CREB5: variants seen among roughly 807,000 people sequenced by gnomAD.
The protein encoded by CREB5 is cAMP responsive element binding protein 5.
CREB5 carries 19 observed loss-of-function variants against 57.1 expected under a neutral mutation model. The ratio of observed to expected loss-of-function variants is 0.33; its 90% confidence interval spans 0.23 to 0.49. The LOEUF (loss-of-function observed/expected upper bound fraction) is 0.49. CREB5 is among the 20% of genes least tolerant of loss of function. The probability of loss-of-function intolerance (pLI) is 0.99; values close to 1 mark genes in which losing one functional copy is unlikely to be tolerated. For missense variants in CREB5, 579 were observed against 671.6 expected (o/e 0.86, Z 1.52); for synonymous variants, 238 against 238.3 (o/e 1.00, Z 0.01).
chr7:28,560,987 T>TGTGTGCGTGC (rs1795231729), intron 4 of CREB5, among the ~76,000 whole-genome samples: 1 of 64,454 alleles, frequency 1.6e-5, no homozygotes, highest in Non-Finnish European at 3.5e-5. Flanking sequence ...TGTGCGTGCG[T>TGTGTGCGTGC]GTGTGTGCCT....
intron 1 of CREB5, among the ~76,000 whole-genome samples, chr7:28,343,824 GCA>G (rs763361509): frequency 1.1e-4 from 16 of 152,188 alleles, no homozygotes; most frequent in Non-Finnish European, 2.2e-4. Context: ...CACCAACAGT[GCA>G]CAAGGATTCT....
At chr7:28,704,930 C>G (rs894263530) in intron 5 of CREB5, among the ~76,000 whole-genome samples, 1 of 152,220 alleles carries the variant, frequency 6.6e-6, no homozygotes, top group African/African-American at 2.4e-5. Context: ...TCAGTAGACA[C>G]TCTTGCTGGT....
chr7:28,571,986 T>A (rs1323134351), intron 5 of CREB5, among the ~76,000 whole-genome samples: 14 of 152,182 alleles, frequency 9.2e-5, no homozygotes. Context: ...AAGTGATAAT[T>A]AAAAACTTAG....
At chr7:28,526,030 G>A (rs542998911) in intron 4 of CREB5, among the ~76,000 whole-genome samples, 2 of 152,318 alleles carry the variant, frequency 1.3e-5, no homozygotes, top group East Asian at 3.9e-4. Flanking sequence ...CCAAATCTGG[G>A]ATGGGAAATT....
chr7:28,488,128 A>G, intron 1 of CREB5, 47 bp from the exon 2 acceptor site: 1 of 1,561,598 alleles, frequency 6.4e-7, no homozygotes, highest in Non-Finnish European at 8.8e-7. Flanking sequence ...AGCAGAAGAT[A>G]TTCATGGATT....
chr7:28,742,532 C>G (rs936299456), intron 7 of CREB5, among the ~76,000 whole-genome samples: 1 of 151,720 alleles, frequency 6.6e-6, no homozygotes, highest in South Asian at 2.1e-4. Context: ...CGCCACTGCA[C>G]TCCAGCCTGG....
At chr7:28,522,481 C>T (rs1332148066) in intron 4 of CREB5, among the ~76,000 whole-genome samples, 3 of 151,392 alleles carry the variant, frequency 2.0e-5, no homozygotes, top group South Asian at 2.1e-4. Context: ...CCACAACCTC[C>T]GCCTCCCAGG....
chr7:28,529,332 C>A (rs1211647976), intron 4 of CREB5, among the ~76,000 whole-genome samples: 1 of 148,910 alleles, frequency 6.7e-6, no homozygotes, highest in African/African-American at 2.6e-5. Context: ...AAGCACTTCC[C>A]TGTGCTCCCT....
At chr7:28,720,833 A>T (rs559677108) in intron 6 of CREB5, among the ~76,000 whole-genome samples, 1 of 152,188 alleles carries the variant, frequency 6.6e-6, no homozygotes, top group South Asian at 2.1e-4. Flanking sequence ...AAAAATTATT[A>T]TTTTTTTACA....
At chr7:28,321,941 G>A (rs938605717) in intron 1 of CREB5, among the ~76,000 whole-genome samples, 3 of 152,120 alleles carry the variant, frequency 2.0e-5, no homozygotes, top group Non-Finnish European at 4.4e-5. Flanking sequence ...ATCCCATTTT[G>A]GTTATTAAGT....
intron 7 of CREB5, among the ~76,000 whole-genome samples, chr7:28,763,018 G>T (rs1374132450): frequency 1.3e-5 from 2 of 152,112 alleles, no homozygotes; most frequent in African/African-American, 4.8e-5. Context: ...CAGATTTTCA[G>T]GAGCTTTACC....
At chr7:28,648,390 G>A (rs1435809885) in intron 5 of CREB5, among the ~76,000 whole-genome samples, 7 of 152,124 alleles carry the variant, frequency 4.6e-5, no homozygotes, top group Admixed American at 4.6e-4. Flanking sequence ...ACAATGAACA[G>A]GCTGTATTGC....
intron 5 of CREB5, among the ~76,000 whole-genome samples, chr7:28,595,388 A>G (rs1251841704): frequency 6.6e-6 from 1 of 152,156 alleles, no homozygotes; most frequent in Non-Finnish European, 1.5e-5. Context: ...AGAGCTCCGC[A>G]TAGTGCCTGA....
chr7:28,394,837 T>C (rs1472066797), intron 1 of CREB5, among the ~76,000 whole-genome samples: 2 of 152,216 alleles, frequency 1.3e-5, no homozygotes, highest in Non-Finnish European at 2.9e-5. Flanking sequence ...CCTCTAACCA[T>C]TGCATTTTAT....
chr7:28,700,068 G>A (rs1350467902), intron 5 of CREB5, among the ~76,000 whole-genome samples: 1 of 152,202 alleles, frequency 6.6e-6, no homozygotes, highest in Admixed American at 6.5e-5. Flanking sequence ...AGAAAGGATT[G>A]TTATCATCCA....
At chr7:28,309,961 T>TC (rs1554301227) in intron 1 of CREB5, among the ~76,000 whole-genome samples, 1 of 151,714 alleles carries the variant, frequency 6.6e-6, no homozygotes, top group Non-Finnish European at 1.5e-5. Flanking sequence ...AAGGGCTAAG[T>TC]GGGGGGTCCA....
In CREB5 at chr7:28,494,982, C is replaced by G. The variant is rs1280676855; in HGVS notation, c.152C>G (p.Thr51Arg). The change falls in exon 3 of 11, where the codon ACA (threonine) becomes AGA (arginine). Residue 51 changes from threonine (T) to arginine (R), a missense_variant. Transcript: ENST00000357727. ...ACTTTGAAGTTTCCTTCAATAAAAACAGACAATATGTTATCAGGTAAGGAG... is the reference window on the plus strand; with the variant it reads ...ACTTTGAAGTTTCCTTCAATAAAAAGAGACAATATGTTATCAGGTAAGGAG... The part of the protein sequence containing the change: ...EMTLKFPSIK[T>R]DNMLSDQTPT... 1 of 1,606,592 alleles carries G rather than the reference C, an allele frequency of 6.2e-7. No individual in the cohort carries two copies. Among genetic ancestry groups the G allele is most frequent in the African/African-American group, 1.3e-5 (1 of 74,360 alleles).
intron 4 of CREB5, among the ~76,000 whole-genome samples, chr7:28,524,305 C>G (rs939308576): frequency 1.6e-4 from 22 of 140,890 alleles, no homozygotes; most frequent in African/African-American, 5.9e-4. Flanking sequence ...GGTGAAACCT[C>G]GCCTCTACTA....
chr7:28,381,530 A>G (rs1033319343), intron 1 of CREB5, among the ~76,000 whole-genome samples: 3 of 152,212 alleles, frequency 2.0e-5, no homozygotes, highest in African/African-American at 7.2e-5. Context: ...AATCAGACAG[A>G]AAAAAGTTTG....
Sources: allele counts gnomAD v4.1 joint callset (sites outside exome capture counted in the v4.1 genomes callset), GRCh38; gene constraint gnomAD v4.1.1; transcripts MANE v1.5; gene names NCBI Gene and HGNC (gene_info 2026-07-23, HGNC 2026-07-21).